The following PDZRN3 variants were observed in gnomAD, a reference collection of about 807,000 sequenced individuals.
PDZRN3 encodes the protein PDZ domain containing ring finger 3.
Under a neutral mutation model 85.7 loss-of-function variants are expected in PDZRN3, and 38 were observed. That is an observed-to-expected ratio of 0.44 (90% CI 0.34 to 0.58). The LOEUF (loss-of-function observed/expected upper bound fraction) is 0.58, where lower values mean the gene tolerates loss of function less well. Ranked by LOEUF, PDZRN3 falls within the 20% of genes least tolerant of loss-of-function variation. The pLI is 0.01. For missense variants in PDZRN3, 1,629 were observed against 1,506.4 expected, an observed-to-expected ratio of 1.08 and a Z score of -1.35; for synonymous variants, 759 against 638.0, an observed-to-expected ratio of 1.19 and a Z score of -2.86.
intron 3 of PDZRN3, among the ~76,000 whole-genome samples, chr3:73,594,737 A>G (rs547909561): frequency 6.6e-6 from 1 of 152,276 alleles, no homozygotes; most frequent in African/African-American, 2.4e-5. Flanking sequence ...TTGCTGTAGT[A>G]AAGACTATTA....
At chr3:73,513,181 T>C (rs1300529606) in intron 3 of PDZRN3, among the ~76,000 whole-genome samples, 1 of 152,142 alleles carries the variant, frequency 6.6e-6, no homozygotes, top group Non-Finnish European at 1.5e-5. Context: ...AAGAGTTAAA[T>C]GGGAAAGTGG....
rs983136289 is a variant in PDZRN3 at position 73,426,601 on chromosome 3, C to T, written c.919-22206G>A. On this transcript the variant is annotated intron_variant, in intron 3 of 9. Transcript: ENST00000263666. ...TGAGATGTGACTTCTTTGCTGCCTA[C>T]TCATCCGACAAAGACTCAAGAAAAT... 2.0e-5 allele frequency among the ~76,000 whole-genome samples: 3 copies of T among 152,196 alleles called. No homozygotes were observed. The South Asian group carries it at 6.2e-4, about 32-fold the overall frequency.
intron 5 of PDZRN3, among the ~76,000 whole-genome samples, chr3:73,399,602 C>T (rs1701710111): frequency 6.6e-6 from 1 of 152,172 alleles, no homozygotes; most frequent in Non-Finnish European, 1.5e-5. Context: ...AGCCCTGAAG[C>T]TGGGGTGATA....
At chr3:73,588,873 G>A (rs1311028430) in intron 3 of PDZRN3, among the ~76,000 whole-genome samples, 1 of 152,142 alleles carries the variant, frequency 6.6e-6, no homozygotes, top group Non-Finnish European at 1.5e-5. Context: ...AGAAACACTT[G>A]TTTAGGTTTG....
At chr3:73,465,177 A>G (rs1320809071) in intron 3 of PDZRN3, among the ~76,000 whole-genome samples, 1 of 152,216 alleles carries the variant, frequency 6.6e-6, no homozygotes, top group Non-Finnish European at 1.5e-5. Context: ...CAGAGTCGGT[A>G]TAAAATCCAT....
rs780452156 is a variant in PDZRN3, at chr3:73,384,052, T to G, written c.2514A>C (p.Lys838Asn). 6.2e-7 allele frequency: 1 copy of G among 1,606,598 alleles called. No individual in the cohort carries two copies. Among genetic ancestry groups the G allele is most frequent in the South Asian group, 1.1e-5 (1 of 90,054 alleles). Residue 838 changes from lysine to asparagine, a missense_variant, in exon 10 of 10, where the codon AAA becomes AAC. Transcript: ENST00000263666. ...ELDPNQPLESKERRASDGSRS... is the reference protein window; with the variant it reads ...ELDPNQPLESNERRASDGSRS... Reference sequence around the variant, plus strand: ...GGCTCCCGTCGCTGGCTCTCCGCTCTTTGCTTTCCAGGGGCTGGTTGGGGT... The same window carrying G: ...GGCTCCCGTCGCTGGCTCTCCGCTCGTTGCTTTCCAGGGGCTGGTTGGGGT...
chr3:73,384,405 G>T lies in PDZRN3; in HGVS notation c.2161C>A (p.Leu721Met). 6.2e-7 allele frequency: 1 copy of T among 1,609,832 alleles called. No homozygotes were observed. Among genetic ancestry groups the T allele is most frequent in the Non-Finnish European group, 8.5e-7 (1 of 1,179,944 alleles). The change falls in exon 10 of 10, where the codon CTG becomes ATG. Residue 721 changes from leucine (L) to methionine (M), a missense_variant. Coordinates refer to ENST00000263666, the MANE Select transcript of PDZRN3 (RefSeq NM_015009.3). Reference sequence around the variant, plus strand: ...TAGTTGCGGAAGCCGCTGTTGTGCAGCATCCAGGACTCGCGGTACTGCTCC... The same window carrying T: ...TAGTTGCGGAAGCCGCTGTTGTGCATCATCCAGGACTCGCGGTACTGCTCC... ...LKEQYRESWMLHNSGFRNYNT... is the reference protein window; with the variant it reads ...LKEQYRESWMMHNSGFRNYNT...
intron 3 of PDZRN3, among the ~76,000 whole-genome samples, chr3:73,421,577 A>G (rs2106776935): frequency 6.6e-6 from 1 of 152,370 alleles, no homozygotes; most frequent in South Asian, 2.1e-4. Flanking sequence ...TTAACAAAAC[A>G]GGATGAACTT....
intron 3 of PDZRN3, among the ~76,000 whole-genome samples, chr3:73,584,177 G>A (rs374778389): frequency 2.6e-5 from 4 of 151,922 alleles, no homozygotes; most frequent in African/African-American, 9.6e-5. Context: ...TATAACTTGC[G>A]ACTTTTACTT....
chr3:73,587,350 T>C (rs1225585046), intron 3 of PDZRN3, among the ~76,000 whole-genome samples: 2 of 152,208 alleles, frequency 1.3e-5, no homozygotes, highest in African/African-American at 4.8e-5. Context: ...TAAAATGTAT[T>C]TCTTACTGTA....
chr3:73,586,778 C>T (rs1201793061), intron 3 of PDZRN3, among the ~76,000 whole-genome samples: 2 of 152,154 alleles, frequency 1.3e-5, no homozygotes, highest in African/African-American at 4.8e-5. Flanking sequence ...ATGAAATTAC[C>T]CTGCACACCA....
chr3:73,528,001 G>A (rs1186982865), intron 3 of PDZRN3, among the ~76,000 whole-genome samples: 1 of 152,220 alleles, frequency 6.6e-6, no homozygotes, highest in Non-Finnish European at 1.5e-5. Flanking sequence ...AAGCCCACCG[G>A]CTTATGTCCA....
At chr3:73,478,145 T>C (rs1457769151) in intron 3 of PDZRN3, among the ~76,000 whole-genome samples, 1 of 152,160 alleles carries the variant, frequency 6.6e-6, no homozygotes, top group Non-Finnish European at 1.5e-5. Flanking sequence ...CCTGAATCTG[T>C]ATAGAACTGT....
At chr3:73,513,192 G>T (rs997711169) in intron 3 of PDZRN3, among the ~76,000 whole-genome samples, 3 of 152,194 alleles carry the variant, frequency 2.0e-5, no homozygotes, top group African/African-American at 7.2e-5. Flanking sequence ...GGGAAAGTGG[G>T]TCACTTCGAA....
chr3:73,562,769 C>G (rs1313140374), intron 3 of PDZRN3, among the ~76,000 whole-genome samples: 1 of 151,598 alleles, frequency 6.6e-6, no homozygotes, highest in East Asian at 1.9e-4. Flanking sequence ...TGCTTTTCTT[C>G]CTCTTTTTAA....
intron 3 of PDZRN3, among the ~76,000 whole-genome samples, chr3:73,419,797 T>C (rs1047381335): frequency 9.9e-5 from 15 of 152,230 alleles, no homozygotes; most frequent in African/African-American, 3.1e-4. Context: ...GCATATCAAC[T>C]ATATCTGGGT....
intron 3 of PDZRN3, among the ~76,000 whole-genome samples, chr3:73,464,022 G>A (rs555581437): frequency 2.1e-4 from 32 of 152,088 alleles, no homozygotes; most frequent in African/African-American, 6.5e-4. Context: ...GTCTTACACC[G>A]TCTCCCGGGC....
At chr3:73,474,497 T>C in intron 3 of PDZRN3, 1 of 1,288,716 alleles carries the variant, frequency 7.8e-7, no homozygotes, top group Non-Finnish European at 1.0e-6. Context: ...TTAGAGTAAA[T>C]TTACTGAACA....
chr3:73,389,646 C>A (rs563330187), intron 7 of PDZRN3, among the ~76,000 whole-genome samples, 170 bp downstream of exon 7: 66 of 152,286 alleles, frequency 4.3e-4, no homozygotes, highest in Non-Finnish European at 7.8e-4. Context: ...TCTTATGACT[C>A]AGAGATAGCC....
Sources: gnomAD v4.1 joint callset for allele counts (sites outside exome capture counted in the v4.1 genomes callset) on GRCh38, gnomAD v4.1.1 for gene constraint, MANE v1.5 for transcripts, NCBI Gene and HGNC (gene_info 2026-07-23, HGNC 2026-07-21) for gene names.